Variants in SPECC1 observed in about 807,000 individuals in gnomAD.
SPECC1 encodes the protein cytospin-B.
In SPECC1, 62 loss-of-function variants were observed where a neutral mutation model predicts 104.1. That is an observed-to-expected ratio of 0.60 (90% confidence interval 0.49 to 0.74). The LOEUF is 0.74. Ranked by LOEUF, SPECC1 falls within the 30% of genes least tolerant of loss-of-function variation. The pLI, the probability that SPECC1 is intolerant of heterozygous loss-of-function variation, is 0.00. For synonymous variants in SPECC1, 513 were observed against 501.6 expected (o/e 1.02, Z -0.30); for missense variants, 1,306 against 1,310.5 (o/e 1.00, Z 0.05).
chr17:20,100,321 G>A (rs1336193355), intron 2 of SPECC1, among the ~76,000 whole-genome samples: 1 of 152,048 alleles, frequency 6.6e-6, no homozygotes, highest in African/African-American at 2.4e-5. Flanking sequence ...CCTATGGTAT[G>A]GGAAGAAGAA....
Position 20,016,235 on chromosome 17 carries a change from A to T in SPECC1, c.-22+6811A>T, listed in dbSNP as rs867442804. Among the ~76,000 whole-genome samples the T allele has an allele frequency of 6.5e-3, 945 of 144,778 alleles. 9 individuals carry two copies. The highest frequency in any genetic ancestry group is 0.023 in the African/African-American group (896 of 39,376). The allele number at this position is 144,778 out of a possible 152,430, so 95.0% of individuals were successfully genotyped here. Reference sequence around the variant, plus strand: ...TCCATCTCAAAAAAAAAAAAAAAAAATAGGTAAGATAATCAGTGTTCAAAA... The same window carrying T: ...TCCATCTCAAAAAAAAAAAAAAAAATTAGGTAAGATAATCAGTGTTCAAAA... On this transcript the variant is annotated intron_variant, in intron 1 of 14. Transcript: ENST00000395527.
rs1426018386 is a variant in SPECC1 at position 20,009,945 on chromosome 17, C to G, written c.-22+521C>G. 3 of 152,428 alleles carry G rather than the reference C, an allele frequency of 2.0e-5. No individual in the cohort carries two copies. In the East Asian group the frequency reaches 5.8e-4, roughly 29 times the overall value. The allele number at this position is 152,428 out of a possible 1,614,324, so 9.4% of individuals were successfully genotyped here. On this transcript the variant is annotated intron_variant, in intron 1 of 14. Coordinates refer to ENST00000395527, the MANE Select transcript of SPECC1 (RefSeq NM_001243439.2). This position sits in a 1 kb window ranked among gnomAD's most constrained non-coding sequence, Gnocchi z 5.2. ...CTCGGCGTCCGCCGCGCTCCCGCCCCTTCCTGGCCGGGGTGACAGGGGAAG... is the reference window on the plus strand; with the variant it reads ...CTCGGCGTCCGCCGCGCTCCCGCCCGTTCCTGGCCGGGGTGACAGGGGAAG...
Position 20,032,631 on chromosome 17 carries a change from A to G in SPECC1, c.-22+23207A>G, listed in dbSNP as rs188163008. On this transcript the variant is annotated intron_variant, in intron 1 of 14. Coordinates refer to ENST00000395527, the MANE Select transcript of SPECC1 (RefSeq NM_001243439.2). The stretch of plus-strand genomic sequence containing the variant: ...CATTGTATTATATTTTATAATTTCT[A>G]TGCCTTTATTGATATTCTCTATTTG... Among the ~76,000 whole-genome samples the G allele has an allele frequency of 2.0e-3, 297 of 152,114 alleles. 1 individual carries two copies. Among genetic ancestry groups the G allele is most frequent in the Non-Finnish European group, 2.3e-3 (156 of 67,992 alleles).
chr17:20,032,042 A>G (rs139956060), intron 1 of SPECC1, among the ~76,000 whole-genome samples: 2 of 152,246 alleles, frequency 1.3e-5, no homozygotes, highest in East Asian at 3.9e-4. Flanking sequence ...CGTATATAGG[A>G]ATCTTTATTT....
intron 12 of SPECC1, chr17:20,290,138 G>A (rs1343188048): frequency 6.6e-6 from 1 of 151,938 alleles, no homozygotes; most frequent in Non-Finnish European, 1.5e-5. Flanking sequence ...TGAGGCACTG[G>A]ACTCTCAGAG....
intron 13 of SPECC1, among the ~76,000 whole-genome samples, chr17:20,297,995 GTGC>G (rs754669190): frequency 5.3e-5 from 8 of 152,234 alleles, no homozygotes; most frequent in Non-Finnish European, 1.2e-4. Flanking sequence ...GAGAAACTCA[GTGC>G]TGTGAGACAG....
Position 20,172,437 on chromosome 17 carries a change from C to T in SPECC1, c.284-31896C>T, listed in dbSNP as rs1329138494. Among the ~76,000 whole-genome samples, 5 of 152,238 alleles carry T rather than the reference C, an allele frequency of 3.3e-5. 1 individual carries two copies. The East Asian group carries it at 9.6e-4, about 29-fold the overall frequency. On this transcript the variant is annotated intron_variant, in intron 3 of 14. Coordinates refer to ENST00000395527, the MANE Select transcript of SPECC1 (RefSeq NM_001243439.2). ...CTACTTAACCATTTCAGGTCTCAGT[C>T]CAGTGTCACCTCTTCAGGTAGACCT... is the stretch of plus-strand genomic sequence containing the variant.
chr17:20,163,299 A>G (rs1354942173), intron 3 of SPECC1, among the ~76,000 whole-genome samples: 4 of 152,214 alleles, frequency 2.6e-5, no homozygotes, highest in Non-Finnish European at 5.9e-5. Context: ...ACGTCTTGTT[A>G]TTCCATATGT....
chr17:20,266,940 A>G (rs2040237603), intron 12 of SPECC1, among the ~76,000 whole-genome samples: 1 of 152,158 alleles, frequency 6.6e-6, no homozygotes, highest in South Asian at 2.1e-4. Context: ...TACTGTGCCA[A>G]TAGAAGCTGA....
intron 1 of SPECC1, among the ~76,000 whole-genome samples, chr17:20,016,737 G>A (rs2044146177): frequency 6.6e-6 from 1 of 152,234 alleles, no homozygotes; most frequent in African/African-American, 2.4e-5. Flanking sequence ...TGCGGCCCGA[G>A]CCTCCCTGAC....
intron 12 of SPECC1, among the ~76,000 whole-genome samples, chr17:20,284,422 G>T (rs566515224): frequency 6.6e-6 from 1 of 152,260 alleles, no homozygotes; most frequent in South Asian, 2.1e-4. Context: ...TGTGCTGTCC[G>T]TGTGCAGGAC....
At chr17:20,243,551 C>G (rs374766159) in intron 7 of SPECC1, among the ~76,000 whole-genome samples, 1 of 152,176 alleles carries the variant, frequency 6.6e-6, no homozygotes, top group Non-Finnish European at 1.5e-5. Context: ...ATCCCTCTCA[C>G]ATACACAGAG....
intron 3 of SPECC1, among the ~76,000 whole-genome samples, chr17:20,180,073 G>T (rs1385324326): frequency 6.6e-6 from 1 of 152,146 alleles, no homozygotes; most frequent in African/African-American, 2.4e-5. Flanking sequence ...AATTAAGAGT[G>T]TTAGAAATGG....
chr17:20,238,467 G>A (rs1022230030), intron 7 of SPECC1: 23 of 1,041,784 alleles, frequency 2.2e-5, no homozygotes, highest in African/African-American at 1.5e-4. Flanking sequence ...CATTAGTGAC[G>A]TTATCCAAAG....
At chr17:20,258,015 C>T (rs1046898728) in intron 11 of SPECC1, among the ~76,000 whole-genome samples, 4 of 152,204 alleles carry the variant, frequency 2.6e-5, no homozygotes, top group African/African-American at 9.6e-5. Context: ...ATATGCATAA[C>T]AAGCTCTCTG....
intron 1 of SPECC1, among the ~76,000 whole-genome samples, chr17:20,057,461 A>C (rs951469547): frequency 6.6e-6 from 1 of 151,980 alleles, no homozygotes; most frequent in African/African-American, 2.4e-5. Flanking sequence ...AACAACAACA[A>C]CAACAGCAAA....
At chr17:20,223,816 A>T (rs1218127691) in intron 4 of SPECC1, among the ~76,000 whole-genome samples, 1 of 152,054 alleles carries the variant, frequency 6.6e-6, no homozygotes, top group African/African-American at 2.4e-5. Flanking sequence ...CATCTCTGTC[A>T]CTCTGGGATT....
chr17:20,085,403 G>C (rs564692155), intron 1 of SPECC1, among the ~76,000 whole-genome samples: 5 of 152,202 alleles, frequency 3.3e-5, no homozygotes, highest in Non-Finnish European at 7.3e-5. Flanking sequence ...CCTCACGCTG[G>C]AAACAGATCG....
chr17:20,299,593 A>G lies in SPECC1; in HGVS notation c.3057+2516A>G, dbSNP rs1436774794. ...AAAAAAAAAAAAGAAAAGAAAAAAA[A>G]CCTTCACAGAAACATCTAGAATAAT... On this transcript the variant is annotated intron_variant, in intron 13 of 14. Transcript: ENST00000395527. Among the ~76,000 whole-genome samples, 7 of 151,498 alleles carry G rather than the reference A, an allele frequency of 4.6e-5. No homozygotes were observed. The East Asian group carries it at 1.2e-3, about 25-fold the overall frequency.
Sources: gnomAD v4.1 joint callset for allele counts (sites outside exome capture counted in the v4.1 genomes callset) on GRCh38, gnomAD v4.1.1 for gene constraint, Gnocchi (gnomAD v3.1) non-coding constraint, MANE v1.5 for transcripts, NCBI Gene and HGNC (gene_info 2026-07-23, HGNC 2026-07-21) for gene names.